The following ERC2 variants were observed in gnomAD, a reference collection of about 807,000 sequenced individuals.
The protein encoded by ERC2 is ERC protein 2.
ERC2 carries 42 observed loss-of-function variants against 114.8 expected under a neutral mutation model. The ratio of observed to expected loss-of-function variants is 0.37; its 90% CI spans 0.29 to 0.47. ERC2 has a LOEUF of 0.47. ERC2 is among the 20% of genes least tolerant of loss of function. ERC2 has a pLI of 0.99. For missense variants in ERC2, 939 were observed against 1,150.7 expected (o/e 0.82, Z 2.66); for synonymous variants, 454 against 425.5 (o/e 1.07, Z -0.82).
At chr3:56,201,376 T>A (rs7641482) in intron 3 of ERC2, among the ~76,000 whole-genome samples, 1 of 152,184 alleles carries the variant, frequency 6.6e-6, no homozygotes, top group Non-Finnish European at 1.5e-5. Context: ...GATGGAGCCC[T>A]TCTGGGGTCA....
Position 56,408,198 on chromosome 3 carries a change from T to C in ERC2, c.657+26153A>G, listed in dbSNP as rs564006115. Among the ~76,000 whole-genome samples, 77 of 152,258 alleles carry C rather than the reference T, an allele frequency of 5.1e-4. 1 individual carries two copies. In the South Asian group the frequency reaches 0.015, roughly 30 times the overall value. ...CCAGCAGCTTCCCAGCACTTCATAA[T>C]AGTAAAGACAAACGTGTGGAGTTGC... On this transcript the variant is annotated intron_variant, in intron 2 of 17. Transcript: ENST00000288221.
chr3:55,625,374 GAAAAAAAA>G (rs60450668), intron 17 of ERC2, among the ~76,000 whole-genome samples: 1 of 119,878 alleles, frequency 8.3e-6, no homozygotes. Flanking sequence ...CTCAAAAAAA[GAAAAAAAA>G]AAAAAAAAGA....
At chr3:55,585,044 A>G (rs939686358) in intron 17 of ERC2, among the ~76,000 whole-genome samples, 1 of 152,216 alleles carries the variant, frequency 6.6e-6, no homozygotes, top group African/African-American at 2.4e-5. Context: ...GGAGAAGCTC[A>G]GGAGGAAGCG....
chr3:55,747,887 G>A (rs1291014054), intron 14 of ERC2, among the ~76,000 whole-genome samples: 1 of 152,248 alleles, frequency 6.6e-6, no homozygotes, highest in Non-Finnish European at 1.5e-5. Context: ...GCAAGACTCA[G>A]CTTATGTATT....
chr3:56,129,375 C>T (rs1472717452), intron 6 of ERC2, among the ~76,000 whole-genome samples: 1 of 152,082 alleles, frequency 6.6e-6, no homozygotes, highest in African/African-American at 2.4e-5. Flanking sequence ...AGCATAATCA[C>T]AATGTAAACT....
intron 16 of ERC2, among the ~76,000 whole-genome samples, chr3:55,692,924 AG>A (rs2062736938): frequency 6.6e-6 from 1 of 152,240 alleles, no homozygotes; most frequent in African/African-American, 2.4e-5. Flanking sequence ...TGGGTTCTTT[AG>A]TAACCAAGAA....
chr3:56,111,862 T>C (rs1575463614), intron 6 of ERC2, among the ~76,000 whole-genome samples: 1 of 152,228 alleles, frequency 6.6e-6, no homozygotes, highest in African/African-American at 2.4e-5. Context: ...CTGAACTGTT[T>C]AACTTACAAG....
At chr3:56,369,099 C>T (rs2059264687) in intron 2 of ERC2, among the ~76,000 whole-genome samples, 6 of 152,178 alleles carry the variant, frequency 3.9e-5, no homozygotes, top group Non-Finnish European at 7.3e-5. Flanking sequence ...AGAACCCTGT[C>T]TAATTCTGGT....
chr3:55,708,405 G>A (rs751948513), intron 15 of ERC2, among the ~76,000 whole-genome samples: 5 of 152,174 alleles, frequency 3.3e-5, no homozygotes, highest in African/African-American at 7.2e-5. Context: ...TTAGTTAAGC[G>A]CAGGTCTGTT....
chr3:55,728,206 A>C (rs1216432116), intron 15 of ERC2, among the ~76,000 whole-genome samples: 1 of 152,216 alleles, frequency 6.6e-6, no homozygotes, highest in Non-Finnish European at 1.5e-5. Context: ...TATCTCTTAG[A>C]GATCAATGAT....
intron 3 of ERC2, among the ~76,000 whole-genome samples, chr3:56,179,472 C>G (rs530155618): frequency 6.6e-6 from 1 of 152,134 alleles, no homozygotes; most frequent in Non-Finnish European, 1.5e-5. Context: ...AGCATGGTTT[C>G]GGGGTGGTGG....
intron 2 of ERC2, among the ~76,000 whole-genome samples, chr3:56,380,491 T>C (rs2106712104): frequency 6.6e-6 from 1 of 152,068 alleles, no homozygotes; most frequent in East Asian, 1.9e-4. Context: ...ACCTTTTGTG[T>C]CTCCTTTCCA....
At chr3:55,742,807 A>G (rs2066050960) in intron 14 of ERC2, among the ~76,000 whole-genome samples, 1 of 152,190 alleles carries the variant, frequency 6.6e-6, no homozygotes, top group African/African-American at 2.4e-5. Context: ...CCTAAATTTT[A>G]AAAGCTGTGT....
chr3:56,075,372 C>T (rs529836398), intron 7 of ERC2, among the ~76,000 whole-genome samples: 59 of 152,268 alleles, frequency 3.9e-4, no homozygotes, highest in African/African-American at 1.1e-3. Context: ...CCAGACACTC[C>T]TGGTTATGAA....
chr3:55,683,906 C>T (rs1386365114), intron 16 of ERC2, 47 bp from the exon 17 acceptor site: 1 of 1,593,806 alleles, frequency 6.3e-7, no homozygotes, highest in Non-Finnish European at 8.5e-7. Flanking sequence ...GAGGGGAGCA[C>T]CAGAATGAAA....
chr3:56,270,905 C>G (rs967931825), intron 3 of ERC2, among the ~76,000 whole-genome samples: 1 of 152,138 alleles, frequency 6.6e-6, no homozygotes, highest in African/African-American at 2.4e-5. Flanking sequence ...TGGCATGAAC[C>G]CAGAAGGCAG....
intron 10 of ERC2, among the ~76,000 whole-genome samples, chr3:55,996,909 C>CT (rs1347223429): frequency 6.6e-6 from 1 of 152,166 alleles, no homozygotes; most frequent in Non-Finnish European, 1.5e-5. Flanking sequence ...CCAAAAATGG[C>CT]TAAAGCCAAA....
At chr3:55,615,589 G>A (rs990601545) in intron 17 of ERC2, among the ~76,000 whole-genome samples, 8 of 152,012 alleles carry the variant, frequency 5.3e-5, no homozygotes, top group South Asian at 2.1e-4. Context: ...CTTAGCATCC[G>A]CGAAATAAAG....
chr3:55,861,837 C>A (rs1186585906), intron 14 of ERC2, among the ~76,000 whole-genome samples: 2 of 152,184 alleles, frequency 1.3e-5, no homozygotes, highest in African/African-American at 4.8e-5. Context: ...GCCTCAGTTT[C>A]CTTCCCTGTA....
Sources: allele counts gnomAD v4.1 joint callset (sites outside exome capture counted in the v4.1 genomes callset), GRCh38; gene constraint gnomAD v4.1.1; transcripts MANE v1.5; gene names NCBI Gene and HGNC (gene_info 2026-07-23, HGNC 2026-07-21).